The following PROKR1 variants were observed in gnomAD, a reference collection of about 807,000 sequenced individuals.
PROKR1 encodes the protein prokineticin receptor 1, also known as G protein-coupled receptor 73.
Under a neutral mutation model 22.8 loss-of-function variants are expected in PROKR1, and 21 were observed. That is an observed-to-expected ratio of 0.92 (90% CI 0.65 to 1.32). The LOEUF (loss-of-function observed/expected upper bound fraction) is 1.32. PROKR1 is among the 40% of genes most tolerant of loss of function. The pLI is 0.00. For missense variants in PROKR1, 548 were observed against 514.2 expected, an observed-to-expected ratio of 1.07 and a Z score of -0.64; for synonymous variants, 193 against 207.5, an observed-to-expected ratio of 0.93 and a Z score of 0.60.
At chr2:68,651,316 T>G (rs1156829880) in intron 2 of PROKR1, among the ~76,000 whole-genome samples, 1 of 152,152 alleles carries the variant, frequency 6.6e-6, no homozygotes, top group Non-Finnish European at 1.5e-5. Context: ...TGAGCTGTTA[T>G]CATGCCACTG....
chr2:68,655,648 ATCAAC>A lies in PROKR1; in HGVS notation c.*73_*77del. On this transcript the variant is annotated 3_prime_UTR_variant, in exon 3 of 3. Transcript: ENST00000303786. ...CACTGACTAGTGTGCTTGGATGCAC[ATCAAC>A]CTGGAACTTTTTGTTTGCTGCAGAG... 6.9e-7 allele frequency: 1 copy of A among 1,447,626 alleles called. No homozygotes were observed. Among genetic ancestry groups the A allele is most frequent in the Non-Finnish European group, 9.5e-7 (1 of 1,047,154 alleles). 89.7% of individuals were successfully genotyped at this position (1,447,626 alleles called of 1,614,324 possible). A position where few individuals can be genotyped will look rare whatever the true frequency, so the allele number is the denominator to read the frequency against.
intron 2 of PROKR1, among the ~76,000 whole-genome samples, chr2:68,650,590 C>T (rs1352566004): frequency 6.6e-6 from 1 of 151,868 alleles, no homozygotes; most frequent in Non-Finnish European, 1.5e-5. Context: ...TGAAGTTGCA[C>T]CAAAATCCTG....
intron 1 of PROKR1, among the ~76,000 whole-genome samples, 173 bp from the exon 2 acceptor site, chr2:68,645,489 A>T (rs1010875350): frequency 6.6e-6 from 1 of 152,174 alleles, no homozygotes; most frequent in Admixed American, 6.5e-5. Flanking sequence ...ACCCTTCCCT[A>T]ATTGAGTATG....
At position 68,654,879 on chromosome 2, in the gene PROKR1, G is replaced by C. The variant is rs773609462; in HGVS notation, c.486-1G>C. ...TGCCTCCACTTGTGTTCTTGCCCTA[G>C]GTATCTGGCTATTGTCCATCCGCTG... On this transcript the variant is annotated splice_acceptor_variant, in intron 2 of 2. Coordinates refer to ENST00000303786, the MANE Select transcript of PROKR1 (RefSeq NM_138964.4). LOFTEE classifies it high-confidence loss of function. The C allele has an allele frequency of 1.7e-5, 27 of 1,610,776 alleles. No individual in the cohort carries two copies. The highest frequency in any genetic ancestry group is 2.3e-5 in the Non-Finnish European group (27 of 1,177,838).
rs759014011 is a variant in PROKR1, at chr2:68,655,530, T to C, written c.1136T>C (p.Ile379Thr). ...AGTGCAGACCTGGACCTCAAGACAA[T>C]TGGGATGCCTGCCACCGAAGAGGTG... ...KSSADLDLKT[I>T]GMPATEEVDC... Residue 379 changes from isoleucine to threonine, a missense_variant, in exon 3 of 3, where the codon ATT becomes ACT. By Grantham distance (89) the Ile-to-Thr change is moderately conservative. Transcript: ENST00000303786. 1.2e-6 allele frequency: 2 copies of C among 1,614,012 alleles called. No homozygotes were observed. The highest frequency in any genetic ancestry group is 2.2e-5 in the East Asian group (1 of 44,892).
chr2:68,649,915 C>A (rs765548348), intron 2 of PROKR1, among the ~76,000 whole-genome samples: 3 of 152,094 alleles, frequency 2.0e-5, no homozygotes, highest in Non-Finnish European at 2.9e-5. Context: ...AGCAAGGCTG[C>A]AGCCAAATTA....
intron 2 of PROKR1, among the ~76,000 whole-genome samples, chr2:68,647,962 T>C (rs1244564661): frequency 6.6e-6 from 1 of 152,184 alleles, no homozygotes; most frequent in Admixed American, 6.5e-5. Context: ...TAGGTTCCTT[T>C]CAAAGCTGCC....
At position 68,655,071 on chromosome 2, in the gene PROKR1, A is replaced by G. The variant is rs1025927898; in HGVS notation, c.677A>G (p.Gln226Arg). 2 of 1,613,692 alleles carry G rather than the reference A, an allele frequency of 1.2e-6. No homozygotes were observed. Among genetic ancestry groups the G allele is most frequent in the Non-Finnish European group, 1.7e-6 (2 of 1,179,974 alleles). Residue 226 changes from glutamine to arginine, a missense_variant, in exon 3 of 3, where the codon CAG becomes CGG. Coordinates refer to ENST00000303786, the MANE Select transcript of PROKR1 (RefSeq NM_138964.4). Reference sequence around the variant, plus strand: ...GGCCAGATCTGGCCTGTGGACCAGCAGCTCTACTACAAGTCCTACTTCCTC... The same window carrying G: ...GGCCAGATCTGGCCTGTGGACCAGCGGCTCTACTACAAGTCCTACTTCCTC... Reference protein sequence around the residue: ...FCGQIWPVDQQLYYKSYFLFI... With the variant: ...FCGQIWPVDQRLYYKSYFLFI...
intron 2 of PROKR1, among the ~76,000 whole-genome samples, chr2:68,653,942 T>C (rs1673389846): frequency 6.6e-6 from 1 of 152,186 alleles, no homozygotes. Flanking sequence ...ACATCAATCC[T>C]GTGAGGTAGG....
At chr2:68,646,451 C>A in intron 2 of PROKR1, 145 bp downstream of exon 2, 3 of 1,227,900 alleles carry the variant, frequency 2.4e-6, no homozygotes, top group Non-Finnish European at 3.4e-6. Context: ...CAAAAGCTTG[C>A]CCATTGACTG....
At position 68,654,823 on chromosome 2, in the gene PROKR1, A is replaced by AG. The variant is rs1673405752; in HGVS notation, c.486-56dup. The AG allele has an allele frequency of 1.9e-5, 27 of 1,425,064 alleles. No individual in the cohort carries two copies. In the African/African-American group the frequency reaches 3.3e-4, roughly 17 times the overall value. The allele number at this position is 1,425,064 out of a possible 1,614,324, so 88.3% of individuals were successfully genotyped here. On this transcript the variant is annotated intron_variant, in intron 2 of 2. Transcript: ENST00000303786. ...CCCTGTTTCAAAAAAAAAAAAAAAAAGATTATCCAGCACTTCTTTCTCACA... is the reference window on the plus strand; with the variant it reads ...CCCTGTTTCAAAAAAAAAAAAAAAAAGGATTATCCAGCACTTCTTTCTCACA...
intron 2 of PROKR1, among the ~76,000 whole-genome samples, chr2:68,650,353 A>C (rs1673288829): frequency 6.6e-6 from 1 of 152,194 alleles, no homozygotes; most frequent in Non-Finnish European, 1.5e-5. Context: ...CTGTTTTCCC[A>C]AAAATAGTTG....
intron 2 of PROKR1, among the ~76,000 whole-genome samples, chr2:68,650,460 C>CTAG (rs1311205169): frequency 6.6e-6 from 1 of 152,054 alleles, no homozygotes; most frequent in African/African-American, 2.4e-5. Context: ...TAGTCTTGAA[C>CTAG]TAGTCTCAAG....
At chr2:68,654,165 T>C (rs1673393157) in intron 2 of PROKR1, among the ~76,000 whole-genome samples, 1 of 152,152 alleles carries the variant, frequency 6.6e-6, no homozygotes, top group Non-Finnish European at 1.5e-5. Flanking sequence ...TTCTCCCAAC[T>C]CTTTGAATTA....
At chr2:68,645,310 A>G (rs1673149358) in intron 1 of PROKR1, among the ~76,000 whole-genome samples, 1 of 151,612 alleles carries the variant, frequency 6.6e-6, no homozygotes, top group Admixed American at 6.5e-5. Flanking sequence ...AGGAGAGCAG[A>G]CAGGCTTGTC....
chr2:68,644,294 GC>G (rs1673127567), intron 1 of PROKR1, among the ~76,000 whole-genome samples: 1 of 152,192 alleles, frequency 6.6e-6, no homozygotes, highest in Admixed American at 6.5e-5. Flanking sequence ...GGAGTGGCAT[GC>G]CTCTGCGACC....
rs1164977003 is a variant in PROKR1, at chr2:68,656,268, A to G, written c.*692A>G. 1 of 154,482 alleles carries G rather than the reference A, an allele frequency of 6.5e-6. No individual in the cohort carries two copies. The highest frequency in any genetic ancestry group is 1.4e-5 in the Non-Finnish European group (1 of 69,612). The allele number at this position is 154,482 out of a possible 1,614,324, so 9.6% of individuals were successfully genotyped here. On this transcript the variant is annotated 3_prime_UTR_variant, in exon 3 of 3. Transcript: ENST00000303786. Reference sequence around the variant, plus strand: ...ACCCTGGATGCCATTTGGACAGGGAATTATGGGGTTCTGGGTACCTGGAGT... The same window carrying G: ...ACCCTGGATGCCATTTGGACAGGGAGTTATGGGGTTCTGGGTACCTGGAGT...
Position 68,657,285 on chromosome 2 carries a change from A to G in PROKR1, c.*1709A>G, listed in dbSNP as rs1413090320. On this transcript the variant is annotated 3_prime_UTR_variant, in exon 3 of 3. Coordinates refer to ENST00000303786, the MANE Select transcript of PROKR1 (RefSeq NM_138964.4). ...GAACTACGTGTAGTGCGCCTGGACA[A>G]GAAAAACCTCTTACTTTGGCTTGTG... 2 of 152,252 alleles carry G rather than the reference A, an allele frequency of 1.3e-5. No individual in the cohort carries two copies. Among genetic ancestry groups the G allele is most frequent in the Non-Finnish European group, 2.9e-5 (2 of 68,056 alleles). 9.4% of individuals were successfully genotyped at this position (152,252 alleles called of 1,614,324 possible). A position where few individuals can be genotyped will look rare whatever the true frequency, so the allele number is the denominator to read the frequency against.
chr2:68,646,275 A>G lies in PROKR1; in HGVS notation c.454A>G (p.Thr152Ala). The change falls in exon 2 of 3, where the codon ACC (threonine) becomes GCC (alanine). Residue 152 changes from threonine (T) to alanine (A), a missense_variant. Thr to Ala is a moderately conservative substitution (Grantham distance 58, BLOSUM62 0). Coordinates refer to ENST00000303786, the MANE Select transcript of PROKR1 (RefSeq NM_138964.4). ...GCGCACTGTCTCTCTCTATGTCTCC[A>G]CCAATGCCCTGCTGGCCATCGCCAT... is the stretch of plus-strand genomic sequence containing the variant. Reference protein sequence around the residue: ...YLRTVSLYVSTNALLAIAIDR... With the variant: ...YLRTVSLYVSANALLAIAIDR... The G allele has an allele frequency of 3.1e-6, 5 of 1,614,118 alleles. No homozygotes were observed. The highest frequency in any genetic ancestry group is 4.2e-6 in the Non-Finnish European group (5 of 1,180,022).
Sources: gnomAD v4.1 joint callset for allele counts (sites outside exome capture counted in the v4.1 genomes callset) on GRCh38, gnomAD v4.1.1 for gene constraint, MANE v1.5 for transcripts, NCBI Gene and HGNC (gene_info 2026-07-23, HGNC 2026-07-21) for gene names.